The following ZFP57 variants were observed in gnomAD, a reference collection of about 807,000 sequenced individuals.
ZFP57 encodes the protein ZFP57 zinc finger protein.
Under a neutral mutation model 15.8 loss-of-function variants are expected in ZFP57, and 12 were observed. The ratio of observed to expected loss-of-function variants is 0.76; its 90% confidence interval spans 0.49 to 1.23. ZFP57 has a LOEUF of 1.23. ZFP57 is among the 50% of genes most tolerant of loss of function. The probability of loss-of-function intolerance (pLI) is 0.00; values close to 1 mark genes in which losing one functional copy is unlikely to be tolerated. For synonymous variants in ZFP57, 203 were observed against 242.3 expected (o/e 0.84, Z 1.51); for missense variants, 536 against 654.9 (o/e 0.82, Z 1.98).
intron 1 of ZFP57, among the ~76,000 whole-genome samples, chr6:29,680,058 G>C (rs1562230093): frequency 1.3e-5 from 2 of 152,282 alleles, no homozygotes; most frequent in East Asian, 3.9e-4. Flanking sequence ...AACCCCCGTG[G>C]GGACTGAATC....
chr6:29,677,110 T>C lies in ZFP57; in HGVS notation c.-107A>G, dbSNP rs1772115511. 1 of 1,544,408 alleles carries C rather than the reference T, an allele frequency of 6.5e-7. No homozygotes were observed. Among genetic ancestry groups the C allele is most frequent in the Non-Finnish European group, 8.9e-7 (1 of 1,123,488 alleles). On this transcript the variant is annotated 5_prime_UTR_variant, in exon 2 of 5. Coordinates refer to ENST00000376883, the MANE Select transcript of ZFP57 (RefSeq NM_001109809.5). ...ATCTACCTCCCAGTAACTGGGCAGA[T>C]GGAGAGGCCCAGCAAAGGCCCCAGG... is the stretch of plus-strand genomic sequence containing the variant.
At chr6:29,674,178 GAAGAAGGAA>G (rs1477985414) in intron 4 of ZFP57, among the ~76,000 whole-genome samples, 4 of 150,018 alleles carry the variant, frequency 2.7e-5, no homozygotes, top group African/African-American at 9.8e-5. Context: ...AGAAGAAGAA[GAAGAAGGAA>G]GAAGAAGAAG....
chr6:29,675,211 T>G (rs964146502), intron 4 of ZFP57, among the ~76,000 whole-genome samples, 175 bp downstream of exon 4: 2 of 124,452 alleles, frequency 1.6e-5, no homozygotes, highest in African/African-American at 6.0e-5. Flanking sequence ...CAACTTGAAG[T>G]CAAGGGACTT....
intron 1 of ZFP57, among the ~76,000 whole-genome samples, chr6:29,680,675 C>G (rs960030072): frequency 6.6e-6 from 1 of 152,182 alleles, no homozygotes; most frequent in Non-Finnish European, 1.5e-5. Context: ...GGAACAAAGC[C>G]GGTTTTGCTC....
chr6:29,672,859 T>C lies in ZFP57; in HGVS notation c.1252A>G (p.Ser418Gly). ...TEPPNYCFHC[S>G]KSFSSFSRLV... Reference sequence around the variant, plus strand: ...CTGGAAAATGAGCTGAAAGACTTGCTGCAATGGAAGCAGTAGTTGGGCGGC... The same window carrying C: ...CTGGAAAATGAGCTGAAAGACTTGCCGCAATGGAAGCAGTAGTTGGGCGGC... The change falls in exon 5 of 5, where the codon AGC becomes GGC. Residue 418 changes from serine to glycine, a missense_variant. Transcript: ENST00000376883. The C allele has an allele frequency of 6.2e-7, 1 of 1,613,098 alleles. No homozygotes were observed. Among genetic ancestry groups the C allele is most frequent in the South Asian group, 1.1e-5 (1 of 91,088 alleles).
At chr6:29,680,121 C>A (rs1032715222) in intron 1 of ZFP57, among the ~76,000 whole-genome samples, 5 of 152,120 alleles carry the variant, frequency 3.3e-5, no homozygotes, top group Non-Finnish European at 5.9e-5. Context: ...CTTCCTTCAT[C>A]CACAGGGCCC....
At chr6:29,679,319 G>T (rs1772221564) in intron 1 of ZFP57, among the ~76,000 whole-genome samples, 1 of 152,132 alleles carries the variant, frequency 6.6e-6, no homozygotes, top group Non-Finnish European at 1.5e-5. Flanking sequence ...AAACCCTGTT[G>T]ACTATTTTTT....
Position 29,672,820 on chromosome 6 carries a change from G to A in ZFP57, c.1291C>T (p.Gln431Ter). 6.2e-7 allele frequency: 1 copy of A among 1,613,082 alleles called. No individual in the cohort carries two copies. Among genetic ancestry groups the A allele is most frequent in the Middle Eastern group, 1.6e-4 (1 of 6,062 alleles). Residue 431 changes from glutamine to a stop codon, truncating the protein, a stop_gained, in exon 5 of 5, where the codon CAG becomes TAG. Coordinates refer to ENST00000376883, the MANE Select transcript of ZFP57 (RefSeq NM_001109809.5). LOFTEE classifies it low-confidence loss of function (END_TRUNC). ...CTCTTCTGCTTCCAGTGGGTCTGCT[G>A]GTGTCTGACCAGCCTGGAAAATGAG... is the stretch of plus-strand genomic sequence containing the variant. ...FSSFSRLVRH[Q>*]QTHWKQKSYL...
chr6:29,678,861 C>T (rs527912504), intron 1 of ZFP57, among the ~76,000 whole-genome samples: 60 of 152,208 alleles, frequency 3.9e-4, no homozygotes, highest in African/African-American at 1.2e-3. Context: ...GGTGAAACCC[C>T]GTCTCTACTG....
chr6:29,675,151 CAAAA>C (rs11357168), intron 4 of ZFP57, among the ~76,000 whole-genome samples: 844 of 82,010 alleles, frequency 0.01, 9 homozygotes, highest in Admixed American at 0.023. Context: ...GACTGTGTCT[CAAAA>C]AAAAAAAAAA....
intron 4 of ZFP57, 119 bp downstream of exon 4, chr6:29,675,267 C>G: frequency 1.2e-6 from 1 of 804,662 alleles, no homozygotes; most frequent in Non-Finnish European, 2.2e-6. Context: ...TCTGACCAGG[C>G]TGGACAGAGG....
Position 29,672,549 on chromosome 6 carries a change from C to T in ZFP57, c.1562G>A (p.Cys521Tyr). The T allele has an allele frequency of 6.2e-7, 1 of 1,613,004 alleles. No individual in the cohort carries two copies. Among genetic ancestry groups the T allele is most frequent in the South Asian group, 1.1e-5 (1 of 91,082 alleles). The stretch of plus-strand genomic sequence containing the variant: ...TGCCTCCTTTGTTTTGTCTCCTTTG[C>T]AGGCCTTCTCTCTTAGGCCTCTTCT... ...PRRRGLREKA[C>Y]KGDKTKEAVS... Residue 521 changes from cysteine to tyrosine, a missense_variant, in exon 5 of 5, where the codon TGC (cysteine) becomes TAC (tyrosine). Cys to Tyr is a radical substitution (Grantham distance 194, BLOSUM62 -2). Transcript: ENST00000376883.
At chr6:29,678,709 T>C (rs1328971514) in intron 1 of ZFP57, among the ~76,000 whole-genome samples, 1 of 152,200 alleles carries the variant, frequency 6.6e-6, no homozygotes, top group Non-Finnish European at 1.5e-5. Context: ...TAAATTAAAC[T>C]TTATCATTAT....
At position 29,672,513 on chromosome 6, in the gene ZFP57, A is replaced by C; in HGVS notation, c.1598T>G (p.Leu533Trp). ...GDKTKEAVSILKHK is the reference protein window; with the variant it reads ...GDKTKEAVSIWKHK ...CAGAAAGGCCATTTATTTATGTTTCAAGATGCTCACTGCCTCCTTTGTTTT... is the reference window on the plus strand; with the variant it reads ...CAGAAAGGCCATTTATTTATGTTTCCAGATGCTCACTGCCTCCTTTGTTTT... Residue 533 changes from leucine (L) to tryptophan (W), a missense_variant, in exon 5 of 5, where the codon TTG becomes TGG. Transcript: ENST00000376883. The C allele has an allele frequency of 6.2e-7, 1 of 1,612,930 alleles. No homozygotes were observed. The highest frequency in any genetic ancestry group is 8.5e-7 in the Non-Finnish European group (1 of 1,180,006).
chr6:29,675,297 T>C (rs1002384257), intron 4 of ZFP57, 89 bp downstream of exon 4: 6 of 957,722 alleles, frequency 6.3e-6, no homozygotes, highest in African/African-American at 4.8e-5. Flanking sequence ...AGAGCATCTA[T>C]AGAGCATTCA....
At position 29,673,046 on chromosome 6, in the gene ZFP57, G is replaced by T. The variant is rs2127544056; in HGVS notation, c.1065C>A (p.Thr355=). 3 of 1,613,008 alleles carry T rather than the reference G, an allele frequency of 1.9e-6. No homozygotes were observed. In the East Asian group the frequency reaches 6.7e-5, roughly 36 times the overall value. The change falls in exon 5 of 5, where the codon ACC becomes ACA. Residue 355 remains threonine, a synonymous_variant. Transcript: ENST00000376883. This position sits in a 1 kb window ranked among gnomAD's most constrained non-coding sequence, Gnocchi z 4.7. ...TTCCAGTGATGGGTGCCTGGGTCCTGGTCACAGGTGCTTGGTTCTTAAGTA... is the reference window on the plus strand; with the variant it reads ...TTCCAGTGATGGGTGCCTGGGTCCTTGTCACAGGTGCTTGGTTCTTAAGTA... ...ASVLKNQAPV[T]RTQAPITGTL... is the part of the protein sequence containing the mutation.
chr6:29,675,296 A>G (rs545323040), intron 4 of ZFP57, 90 bp downstream of exon 4: 2 of 954,688 alleles, frequency 2.1e-6, no homozygotes, highest in South Asian at 1.3e-5. Flanking sequence ...GAGAGCATCT[A>G]TAGAGCATTC....
Position 29,673,239 on chromosome 6 carries a change from T to C in ZFP57, c.872A>G (p.Gln291Arg). The C allele has an allele frequency of 6.2e-7, 1 of 1,613,080 alleles. No individual in the cohort carries two copies. Among genetic ancestry groups the C allele is most frequent in the East Asian group, 2.2e-5 (1 of 44,888 alleles). The change falls in exon 5 of 5, where the codon CAG (glutamine) becomes CGG (arginine). Residue 291 changes from glutamine to arginine, a missense_variant. By Grantham distance (43) the Gln-to-Arg change is conservative. Transcript: ENST00000376883. The surrounding 1 kb of genome is among the most constrained non-coding windows in gnomAD (Gnocchi z 4.7). ...HQNQEPVDGN[Q>R]ECTLRIPGTQ... ...GCCTGGAATCCTCAAAGTACACTCC[T>C]GGTTTCCATCCACTGGCTCCTGGTT...
chr6:29,680,708 G>A (rs1333020897), intron 1 of ZFP57, among the ~76,000 whole-genome samples: 6 of 152,188 alleles, frequency 3.9e-5, no homozygotes, highest in Non-Finnish European at 8.8e-5. Context: ...CAAAGCAGGC[G>A]CTTGTTAGCA....
Sources: gnomAD v4.1 joint callset for allele counts (sites outside exome capture counted in the v4.1 genomes callset) on GRCh38, gnomAD v4.1.1 for gene constraint, Gnocchi (gnomAD v3.1) non-coding constraint, MANE v1.5 for transcripts, NCBI Gene and HGNC (gene_info 2026-07-23, HGNC 2026-07-21) for gene names.